The following EIPR1 variants were observed in gnomAD, a reference collection of about 807,000 sequenced individuals.
EIPR1 encodes EARP and GARP complex-interacting protein 1.
A neutral mutation model predicts 48.1 loss-of-function variants in EIPR1; 25 were observed. The ratio of observed to expected loss-of-function variants is 0.52; its 90% CI spans 0.38 to 0.73. The LOEUF is 0.73. Among genes scored for constraint, EIPR1 ranks in the 30% least tolerant of loss-of-function variants. EIPR1 has a pLI of 0.00. For synonymous variants in EIPR1, 204 were observed against 201.9 expected (o/e 1.01, Z -0.09); for missense variants, 415 against 506.2 (o/e 0.82, Z 1.73).
chr2:3,192,210 C>G (rs1000753405), intron 8 of EIPR1, among the ~76,000 whole-genome samples: 6 of 152,236 alleles, frequency 3.9e-5, no homozygotes, highest in African/African-American at 1.2e-4. Flanking sequence ...GCACCTAACC[C>G]TAACGCACCT....
intron 1 of EIPR1, among the ~76,000 whole-genome samples, chr2:3,357,037 T>C (rs1002447344): frequency 3.2e-5 from 3 of 93,828 alleles, no homozygotes; most frequent in African/African-American, 1.8e-4. Flanking sequence ...AGCCTCTGAT[T>C]GGTTGCTCTG....
chr2:3,257,229 T>G (rs1365125739), intron 4 of EIPR1, 70 bp downstream of exon 4: 1 of 1,506,772 alleles, frequency 6.6e-7, no homozygotes, highest in African/African-American at 1.4e-5. Context: ...TGCAAAGGAA[T>G]CTGCACAAGC....
chr2:3,277,385 G>A (rs1478475592), intron 3 of EIPR1, among the ~76,000 whole-genome samples: 3 of 152,218 alleles, frequency 2.0e-5, no homozygotes, highest in Admixed American at 6.5e-5. Flanking sequence ...ACATAAGAAG[G>A]GTGATTTACA....
intron 4 of EIPR1, among the ~76,000 whole-genome samples, chr2:3,216,417 A>G (rs1456932773): frequency 6.6e-6 from 1 of 152,218 alleles, no homozygotes; most frequent in African/African-American, 2.4e-5. Context: ...GCATGGTACC[A>G]GCAAGACGCA....
At chr2:3,255,150 G>C (rs895791251) in intron 4 of EIPR1, among the ~76,000 whole-genome samples, 1 of 151,694 alleles carries the variant, frequency 6.6e-6, no homozygotes, top group African/African-American at 2.4e-5. Flanking sequence ...GAGGATAGTT[G>C]AATTTGCCTG....
At chr2:3,275,660 T>A (rs913894055) in intron 3 of EIPR1, among the ~76,000 whole-genome samples, 42 of 152,092 alleles carry the variant, frequency 2.8e-4, no homozygotes, top group Non-Finnish European at 5.9e-4. Flanking sequence ...AGACTCCATA[T>A]CAACATCAGA....
intron 4 of EIPR1, among the ~76,000 whole-genome samples, chr2:3,241,965 A>C (rs970309315): frequency 2.0e-5 from 3 of 152,206 alleles, no homozygotes; most frequent in Admixed American, 2.0e-4. Context: ...AGAAATTCTC[A>C]GAACAACCTC....
chr2:3,353,147 A>C (rs570097055), intron 2 of EIPR1: 9 of 435,838 alleles, frequency 2.1e-5, no homozygotes, highest in Admixed American at 1.4e-4. Flanking sequence ...TTATACCTTA[A>C]ACTTTACCTA....
At chr2:3,243,029 A>G (rs1051399097) in intron 4 of EIPR1, among the ~76,000 whole-genome samples, 2 of 152,188 alleles carry the variant, frequency 1.3e-5, no homozygotes, top group Non-Finnish European at 2.9e-5. Context: ...TCATGTTTCT[A>G]TGCTTCCTGG....
At chr2:3,371,779 A>G (rs1383540815) in intron 1 of EIPR1, among the ~76,000 whole-genome samples, 1 of 152,184 alleles carries the variant, frequency 6.6e-6, no homozygotes, top group Non-Finnish European at 1.5e-5. Flanking sequence ...ACACAATAAT[A>G]ATGGGAGACT....
intron 3 of EIPR1, among the ~76,000 whole-genome samples, chr2:3,329,523 C>T (rs562898963): frequency 1.3e-5 from 2 of 152,080 alleles, no homozygotes; most frequent in East Asian, 3.9e-4. Context: ...CTAATGATCT[C>T]GGGGTGCCAG....
rs1015931571 is a variant in EIPR1 at position 3,362,356 on chromosome 2, G to A, written c.43-7723C>T. On this transcript the variant is annotated intron_variant, in intron 1 of 8. Transcript: ENST00000382125. ...CCTCCCAGCCCCACACCCAATACCT[G>A]GGCTCTGGCTTTTCCAGCGCTCTCC... Among the ~76,000 whole-genome samples, 4 of 149,536 alleles carry A rather than the reference G, an allele frequency of 2.7e-5. No individual in the cohort carries two copies. The East Asian group carries it at 6.0e-4, about 22-fold the overall frequency.
chr2:3,316,468 C>A (rs1039659941), intron 3 of EIPR1, among the ~76,000 whole-genome samples: 1 of 152,086 alleles, frequency 6.6e-6, no homozygotes, highest in African/African-American at 2.4e-5. Flanking sequence ...ATTTAAGTCC[C>A]ATACTTCTAC....
intron 5 of EIPR1, chr2:3,208,769 C>G (rs1438836963): frequency 6.5e-7 from 1 of 1,548,226 alleles, no homozygotes; most frequent in Non-Finnish European, 8.7e-7. Flanking sequence ...CGTGGCGAGT[C>G]CTTCTTCCTT....
Position 3,214,252 on chromosome 2 carries a change from A to C in EIPR1, c.417-4T>G. The C allele has an allele frequency of 6.2e-7, 1 of 1,612,698 alleles. No homozygotes were observed. Among genetic ancestry groups the C allele is most frequent in the South Asian group, 1.1e-5 (1 of 90,936 alleles). On this transcript the variant is annotated splice_polypyrimidine_tract_variant and splice_region_variant and intron_variant, in intron 4 of 8. Coordinates refer to ENST00000382125, the MANE Select transcript of EIPR1 (RefSeq NM_003310.5). Reference sequence around the variant, plus strand: ...TCCCATTGGCTCCCACACGACACTAAGAGAAAGAGAAGTACCAAATGTTAA... The same window carrying C: ...TCCCATTGGCTCCCACACGACACTACGAGAAAGAGAAGTACCAAATGTTAA...
intron 5 of EIPR1, among the ~76,000 whole-genome samples, chr2:3,201,335 C>T (rs1665027476): frequency 6.6e-6 from 1 of 152,220 alleles, no homozygotes; most frequent in African/African-American, 2.4e-5. Context: ...AACAATCAAC[C>T]ATGGCGGAGG....
At chr2:3,219,487 A>G (rs1265399117) in intron 4 of EIPR1, among the ~76,000 whole-genome samples, 3 of 121,186 alleles carry the variant, frequency 2.5e-5, no homozygotes, top group Admixed American at 8.6e-5. Flanking sequence ...CACCCAATAC[A>G]GCCCTGATAT....
chr2:3,267,985 G>A (rs1015649069), intron 3 of EIPR1, among the ~76,000 whole-genome samples: 2 of 152,234 alleles, frequency 1.3e-5, no homozygotes, highest in African/African-American at 4.8e-5. Context: ...GTCCTTGGAG[G>A]TGAGCCCCCG....
chr2:3,350,703 C>T (rs908359290), intron 2 of EIPR1, among the ~76,000 whole-genome samples: 1 of 152,056 alleles, frequency 6.6e-6, no homozygotes, highest in African/African-American at 2.4e-5. Flanking sequence ...TTACCAGAAA[C>T]AGAAAGACAA....
Sources: gnomAD v4.1 joint callset for allele counts (sites outside exome capture counted in the v4.1 genomes callset) on GRCh38, gnomAD v4.1.1 for gene constraint, MANE v1.5 for transcripts, NCBI Gene and HGNC (gene_info 2026-07-23, HGNC 2026-07-21) for gene names.